Variants in DNAJC17 observed in about 807,000 individuals in gnomAD.
DNAJC17 encodes the protein DnaJ heat shock protein family (Hsp40) member C17.
Under a neutral mutation model 48.1 loss-of-function variants are expected in DNAJC17, and 35 were observed. The observed-to-expected ratio is 0.73, with a 90% CI of 0.56 to 0.96. DNAJC17 has a LOEUF of 0.96. Among genes scored for constraint, DNAJC17 ranks in the 50% least tolerant of loss-of-function variants. DNAJC17 has a pLI of 0.00. For missense variants in DNAJC17, 355 were observed against 377.1 expected (o/e 0.94, Z 0.48); for synonymous variants, 117 against 142.7 (o/e 0.82, Z 1.28).
chr15:40,776,079 C>T (rs1389253301), intron 6 of DNAJC17, 117 bp downstream of exon 6: 18 of 915,414 alleles, frequency 2.0e-5, no homozygotes, highest in Middle Eastern at 3.3e-4. Flanking sequence ...ATAGGGTGAC[C>T]CCAGGGTTCC....
At chr15:40,779,668 T>G (rs1421332260) in intron 2 of DNAJC17, 65 bp from the exon 3 acceptor site, 1 of 1,407,516 alleles carries the variant, frequency 7.1e-7, no homozygotes, top group Non-Finnish European at 9.6e-7. Context: ...GTGTGCTCCC[T>G]CAAAAAAAAA....
rs796150334 is a variant in DNAJC17 at position 40,765,991 on chromosome 15, A to G, written c.*1949T>C. On this transcript the variant is annotated 3_prime_UTR_variant, in exon 11 of 11. Coordinates refer to ENST00000220496, the MANE Select transcript of DNAJC17 (RefSeq NM_018163.3). ...GACCTGCCTCTGCTCCCTTTATACA[A>G]CCTCCAAGCCCAGGGACAGGGCCCA... The G allele has an allele frequency of 4.1e-5, 29 of 705,210 alleles. No homozygotes were observed. In the African/African-American group the frequency reaches 4.4e-4, roughly 11 times the overall value. 43.7% of individuals were successfully genotyped at this position (705,210 alleles called of 1,614,324 possible). A position where few individuals can be genotyped will look rare whatever the true frequency, so the allele number is the denominator to read the frequency against.
intron 4 of DNAJC17, chr15:40,776,860 C>T: frequency 2.0e-6 from 1 of 512,326 alleles, no homozygotes; most frequent in Non-Finnish European, 3.6e-6. Flanking sequence ...TTAAAAACAG[C>T]TCACACTGAC....
At chr15:40,798,946 G>A (rs1042361775) in intron 1 of DNAJC17, among the ~76,000 whole-genome samples, 1 of 152,154 alleles carries the variant, frequency 6.6e-6, no homozygotes, top group Admixed American at 6.6e-5. Context: ...CTGGCTGGGC[G>A]CGGTGGCTCA....
intron 1 of DNAJC17, among the ~76,000 whole-genome samples, chr15:40,789,981 C>G (rs1889753795): frequency 7.4e-6 from 1 of 135,260 alleles, no homozygotes; most frequent in Non-Finnish European, 1.6e-5. Flanking sequence ...AATAACAATA[C>G]TTACGAACAG....
intron 1 of DNAJC17, among the ~76,000 whole-genome samples, chr15:40,806,535 T>C (rs1188967264): frequency 6.6e-6 from 1 of 151,982 alleles, no homozygotes; most frequent in African/African-American, 2.4e-5. Context: ...ACTAATTTTC[T>C]TTCTTTCTTT....
intron 1 of DNAJC17, among the ~76,000 whole-genome samples, chr15:40,804,138 T>TA (rs201949972): frequency 0.054 from 8,141 of 151,738 alleles, 481 homozygotes; most frequent in African/African-American, 0.15. Flanking sequence ...AGCTTTTTTT[T>TA]TTATATATAG....
chr15:40,806,512 C>T (rs1890230783), intron 1 of DNAJC17, among the ~76,000 whole-genome samples: 1 of 152,022 alleles, frequency 6.6e-6, no homozygotes, highest in Non-Finnish European at 1.5e-5. Flanking sequence ...CCACCGCGCC[C>T]GGCCTAGTAG....
At chr15:40,776,708 T>C (rs2141949784) in intron 4 of DNAJC17, 81 bp from the exon 5 acceptor site, 1 of 1,408,374 alleles carries the variant, frequency 7.1e-7, no homozygotes. Context: ...TCTGGCTGCC[T>C]CCCCAAAGTC....
intron 10 of DNAJC17, among the ~76,000 whole-genome samples, chr15:40,773,042 C>A (rs1889201612): frequency 6.6e-6 from 1 of 150,906 alleles, no homozygotes; most frequent in African/African-American, 2.4e-5. Context: ...CTCACTGCAA[C>A]CTCTGCCTCC....
intron 4 of DNAJC17, chr15:40,778,955 A>C (rs1889404292): frequency 6.8e-6 from 3 of 438,270 alleles, no homozygotes; most frequent in South Asian, 4.2e-5. Flanking sequence ...TTCTTAAAAA[A>C]GGTTTAGTAC....
At chr15:40,784,111 C>CA (rs1889577621) in intron 1 of DNAJC17, among the ~76,000 whole-genome samples, 1 of 152,074 alleles carries the variant, frequency 6.6e-6, no homozygotes, top group Non-Finnish European at 1.5e-5. Context: ...CCTGTAGTCC[C>CA]AGCTACTAGG....
chr15:40,779,153 T>G (rs745342812), intron 4 of DNAJC17, 70 bp downstream of exon 4: 1 of 1,466,700 alleles, frequency 6.8e-7, no homozygotes, highest in Non-Finnish European at 9.5e-7. Context: ...AAGTGAAGCT[T>G]CAGGTGAGGG....
At chr15:40,774,667 T>G (rs1889266729) in intron 8 of DNAJC17, among the ~76,000 whole-genome samples, 1 of 152,254 alleles carries the variant, frequency 6.6e-6, no homozygotes, top group South Asian at 2.1e-4. Context: ...CCTGGTGACT[T>G]AGACTGACAC....
intron 9 of DNAJC17, 29 bp downstream of exon 9, chr15:40,774,326 AG>A: frequency 6.2e-7 from 1 of 1,612,558 alleles, no homozygotes; most frequent in Non-Finnish European, 8.5e-7. Context: ...CAGGGCCACG[AG>A]GGGCCCCCAA....
intron 1 of DNAJC17, 35 bp from the exon 2 acceptor site, chr15:40,780,032 T>G: frequency 6.2e-7 from 1 of 1,603,256 alleles, no homozygotes; most frequent in Non-Finnish European, 8.5e-7. Context: ...GGCCATTCAC[T>G]CTCATCCCAG....
chr15:40,777,076 T>TA (rs1889347112), intron 4 of DNAJC17, among the ~76,000 whole-genome samples: 2 of 152,144 alleles, frequency 1.3e-5, no homozygotes, highest in Non-Finnish European at 2.9e-5. Context: ...CAACTCACAT[T>TA]TACCAAGCCT....
intron 10 of DNAJC17, 118 bp downstream of exon 10, chr15:40,773,609 C>T: frequency 1.3e-6 from 1 of 751,694 alleles, no homozygotes. Context: ...GTTGGTGGAC[C>T]TGCCAAGCTC....
chr15:40,781,054 A>C (rs190488364), intron 1 of DNAJC17, among the ~76,000 whole-genome samples: 144 of 150,350 alleles, frequency 9.6e-4, no homozygotes, highest in Non-Finnish European at 1.8e-3. Context: ...AGGCTGAGGC[A>C]TGAGAATCGC....
Sources: allele counts gnomAD v4.1 joint callset (sites outside exome capture counted in the v4.1 genomes callset), GRCh38; gene constraint gnomAD v4.1.1; transcripts MANE v1.5; gene names NCBI Gene and HGNC (gene_info 2026-07-23, HGNC 2026-07-21).